The following ADGRB3 variants were observed in gnomAD, a reference collection of about 807,000 sequenced individuals.
The protein encoded by ADGRB3 is brain-specific angiogenesis inhibitor 3.
ADGRB3 carries 37 observed loss-of-function variants against 193.4 expected under a neutral mutation model. The observed-to-expected ratio is 0.19, with a 90% CI of 0.15 to 0.25. ADGRB3 has a LOEUF of 0.25. Ranked by LOEUF, ADGRB3 falls within the 10% of genes least tolerant of loss-of-function variation. The pLI is 1.00. For missense variants in ADGRB3, 1,637 were observed against 1,852.9 expected, an observed-to-expected ratio of 0.88 and a Z score of 2.14; for synonymous variants, 690 against 644.2, an observed-to-expected ratio of 1.07 and a Z score of -1.08.
At chr6:68,972,377 C>T (rs1768598534) in intron 8 of ADGRB3, among the ~76,000 whole-genome samples, 1 of 152,140 alleles carries the variant, frequency 6.6e-6, no homozygotes, top group Non-Finnish European at 1.5e-5. Flanking sequence ...TTTAACAGCC[C>T]AGGTGCTTTG....
intron 3 of ADGRB3, among the ~76,000 whole-genome samples, chr6:68,745,911 A>T (rs1355383168): frequency 6.6e-6 from 1 of 151,946 alleles, no homozygotes; most frequent in Non-Finnish European, 1.5e-5. Flanking sequence ...ACTGTTGATG[A>T]TGATAACTTT....
chr6:68,780,309 T>C (rs1582195204), intron 3 of ADGRB3, among the ~76,000 whole-genome samples: 1 of 152,080 alleles, frequency 6.6e-6, no homozygotes. Flanking sequence ...GGTTAATTCA[T>C]AGATACGTTG....
chr6:69,329,499 T>C (rs778684084), intron 22 of ADGRB3, among the ~76,000 whole-genome samples: 13 of 152,230 alleles, frequency 8.5e-5, no homozygotes, highest in Non-Finnish European at 1.3e-4. Flanking sequence ...ATTAAGTGTA[T>C]AGTTCTGTGA....
chr6:68,963,622 G>T (rs1768294440), intron 8 of ADGRB3, among the ~76,000 whole-genome samples: 1 of 152,112 alleles, frequency 6.6e-6, no homozygotes, highest in Admixed American at 6.6e-5. Flanking sequence ...ATACAGGGGT[G>T]CATATTCTCC....
intron 8 of ADGRB3, among the ~76,000 whole-genome samples, chr6:68,969,689 C>A (rs1768502168): frequency 6.6e-6 from 1 of 152,116 alleles, no homozygotes; most frequent in South Asian, 2.1e-4. Flanking sequence ...ATCCTTGACC[C>A]CTTTGTCTTC....
At chr6:69,040,369 CTTTCTTTCCT>C (rs1562133258) in intron 13 of ADGRB3, among the ~76,000 whole-genome samples, 2,084 of 57,470 alleles carry the variant, frequency 0.036, 67 homozygotes, top group South Asian at 0.067. Flanking sequence ...TTCTTTCTTT[CTTTCTTTCCT>C]TCTCTCTCTT....
At chr6:68,714,321 C>G (rs1201315563) in intron 3 of ADGRB3, among the ~76,000 whole-genome samples, 1 of 151,678 alleles carries the variant, frequency 6.6e-6, no homozygotes, top group Admixed American at 6.6e-5. Flanking sequence ...AAAAACATAT[C>G]AAAGAGACCA....
intron 17 of ADGRB3, 32 bp from the exon 18 acceptor site, chr6:69,233,258 C>T (rs754980772): frequency 2.5e-6 from 4 of 1,608,886 alleles, no homozygotes; most frequent in East Asian, 2.2e-5. Context: ...CGTATTTATC[C>T]CGATTTCCTC....
At chr6:69,360,350 T>G (rs1314860288) in intron 28 of ADGRB3, among the ~76,000 whole-genome samples, 1 of 151,952 alleles carries the variant, frequency 6.6e-6, no homozygotes, top group African/African-American at 2.4e-5. Flanking sequence ...ATTTTCAATA[T>G]GCATAATTTT....
chr6:69,099,996 A>C (rs527285112), intron 17 of ADGRB3, among the ~76,000 whole-genome samples: 1 of 152,364 alleles, frequency 6.6e-6, no homozygotes, highest in African/African-American at 2.4e-5. Flanking sequence ...CAAATGTTGA[A>C]AATAGTTTTG....
intron 17 of ADGRB3, among the ~76,000 whole-genome samples, chr6:69,096,451 A>G (rs1309787932): frequency 6.6e-6 from 1 of 151,376 alleles, no homozygotes; most frequent in African/African-American, 2.4e-5. Context: ...TGAGATCAAG[A>G]AAACCATTAA....
At chr6:69,267,022 G>T (rs1767059975) in intron 20 of ADGRB3, among the ~76,000 whole-genome samples, 2 of 152,028 alleles carry the variant, frequency 1.3e-5, no homozygotes, top group Non-Finnish European at 2.9e-5. Flanking sequence ...ATGATTTTCA[G>T]AGTCTTCTGT....
intron 13 of ADGRB3, among the ~76,000 whole-genome samples, chr6:69,027,834 G>T (rs1030547613): frequency 2.0e-5 from 3 of 152,136 alleles, no homozygotes; most frequent in Non-Finnish European, 4.4e-5. Context: ...AAGAAGGAGA[G>T]CACTCAAGGA....
At chr6:69,262,072 A>G (rs754822804) in intron 20 of ADGRB3, among the ~76,000 whole-genome samples, 1 of 152,014 alleles carries the variant, frequency 6.6e-6, no homozygotes, top group Non-Finnish European at 1.5e-5. Context: ...ATCATAAAGG[A>G]CAGAAAATAG....
chr6:68,893,496 A>G (rs1766135653), intron 3 of ADGRB3, among the ~76,000 whole-genome samples: 1 of 151,840 alleles, frequency 6.6e-6, no homozygotes, highest in African/African-American at 2.4e-5. Context: ...TGATAAAGAA[A>G]AAAAAGAAAG....
intron 17 of ADGRB3, among the ~76,000 whole-genome samples, chr6:69,127,910 T>G (rs1042135367): frequency 2.7e-5 from 4 of 150,546 alleles, no homozygotes; most frequent in African/African-American, 9.7e-5. Context: ...TTTTTTGTTT[T>G]TTTTTTCTGG....
At chr6:68,650,929 A>T (rs781561804) in intron 3 of ADGRB3, among the ~76,000 whole-genome samples, 8 of 152,186 alleles carry the variant, frequency 5.3e-5, no homozygotes, top group Non-Finnish European at 8.8e-5. Flanking sequence ...AATGCAAAAC[A>T]GATATTTTAT....
intron 17 of ADGRB3, among the ~76,000 whole-genome samples, chr6:69,214,876 T>C (rs971950735): frequency 6.6e-6 from 1 of 151,846 alleles, no homozygotes; most frequent in Non-Finnish European, 1.5e-5. Flanking sequence ...AGTTACAAAT[T>C]GAAAAAGTAG....
rs1766381649 is a variant in ADGRB3 at position 68,760,733 on chromosome 6, T to C, written c.757+121301T>C. On this transcript the variant is annotated intron_variant, in intron 3 of 31. Transcript: ENST00000370598. ...TCTAGCTAGAGAAAATCATGCCATT[T>C]GCCAGAATACATTTACCCTCAGCAA... Among the ~76,000 whole-genome samples the C allele has an allele frequency of 2.6e-5, 4 of 152,214 alleles. No individual in the cohort carries two copies. In the South Asian group the frequency reaches 8.3e-4, roughly 31 times the overall value.
Sources: allele counts gnomAD v4.1 joint callset (sites outside exome capture counted in the v4.1 genomes callset), GRCh38; gene constraint gnomAD v4.1.1; transcripts MANE v1.5; gene names NCBI Gene and HGNC (gene_info 2026-07-23, HGNC 2026-07-21).